The following RAB11FIP3 variants were observed in gnomAD, a reference collection of about 807,000 sequenced individuals.
RAB11FIP3 encodes rab11 family-interacting protein 3.
RAB11FIP3 carries 17 observed loss-of-function variants against 77.8 expected under a neutral mutation model. That is an observed-to-expected ratio of 0.22 (90% CI 0.15 to 0.33). RAB11FIP3 has a LOEUF of 0.33. Ranked by LOEUF, RAB11FIP3 falls within the 10% of genes least tolerant of loss-of-function variation. The pLI, the probability that RAB11FIP3 is intolerant of heterozygous loss-of-function variation, is 1.00. For missense variants in RAB11FIP3, 1,005 were observed against 1,011.2 expected, an observed-to-expected ratio of 0.99 and a Z score of 0.08; for synonymous variants, 437 against 448.2, an observed-to-expected ratio of 0.98 and a Z score of 0.31.
chr16:482,429 A>G (rs1473590551), intron 3 of RAB11FIP3, 96 bp from the exon 4 acceptor site: 7 of 1,158,508 alleles, frequency 6.0e-6, no homozygotes, highest in Admixed American at 3.4e-5. Flanking sequence ...CTCCCTCCAC[A>G]CTGCCCTCTC....
At chr16:515,761 C>T (rs2032385677) in intron 9 of RAB11FIP3, among the ~76,000 whole-genome samples, 1 of 152,142 alleles carries the variant, frequency 6.6e-6, no homozygotes, top group South Asian at 2.1e-4. Context: ...CTCGGAACAG[C>T]CACACGGCCG....
chr16:430,880 A>G (rs961515424), intron 1 of RAB11FIP3, among the ~76,000 whole-genome samples: 1 of 152,220 alleles, frequency 6.6e-6, no homozygotes, highest in Non-Finnish European at 1.5e-5. Context: ...GAAGTATAGT[A>G]TAGTGATACT....
chr16:467,243 G>A (rs1307195770), intron 2 of RAB11FIP3, among the ~76,000 whole-genome samples: 3 of 152,224 alleles, frequency 2.0e-5, no homozygotes, highest in African/African-American at 4.8e-5. Context: ...GCCACAGGGA[G>A]GCAGGGTCAG....
At chr16:487,131 C>CTTT (rs34597208) in intron 4 of RAB11FIP3, among the ~76,000 whole-genome samples, 3 of 134,522 alleles carry the variant, frequency 2.2e-5, no homozygotes, top group Non-Finnish European at 3.1e-5. Context: ...GTTTTGGTTT[C>CTTT]TTTTTTTTTT....
chr16:431,918 G>A (rs919859857), intron 1 of RAB11FIP3, among the ~76,000 whole-genome samples: 9 of 151,774 alleles, frequency 5.9e-5, no homozygotes, highest in South Asian at 4.2e-4. Context: ...CACCCCTCCC[G>A]GCTAATTTTT....
intron 3 of RAB11FIP3, among the ~76,000 whole-genome samples, chr16:475,894 TCACCC>T (rs2055897698): frequency 6.6e-6 from 1 of 152,182 alleles, no homozygotes; most frequent in Admixed American, 6.5e-5. Flanking sequence ...TCTCACTCTG[TCACCC>T]AGGCTGGAGT....
rs56228402 is a variant in RAB11FIP3, at chr16:480,286, C to CAAAA, written c.904-2222_904-2219dup. Among the ~76,000 whole-genome samples the CAAAA allele has an allele frequency of 1.0e-4, 8 of 80,024 alleles. 3 individuals carry two copies. The highest frequency in any genetic ancestry group is 1.6e-4 in the Admixed American group (1 of 6,286). 52.5% of individuals were successfully genotyped at this position (80,024 alleles called of 152,430 possible). ...GGCAGGAAGAGTAAAACTCCTTCTC[C>CAAAA]AAAAAAAAAAAAAAAAAAAAGTTGA... On this transcript the variant is annotated intron_variant, in intron 3 of 13. Transcript: ENST00000262305.
At chr16:444,586 G>A (rs1029719681) in intron 1 of RAB11FIP3, among the ~76,000 whole-genome samples, 7 of 152,176 alleles carry the variant, frequency 4.6e-5, no homozygotes, top group African/African-American at 7.2e-5. Flanking sequence ...CATGGCTCAC[G>A]CCTATAATCC....
At chr16:512,838 C>T (rs1263790557) in intron 9 of RAB11FIP3, among the ~76,000 whole-genome samples, 2 of 152,114 alleles carry the variant, frequency 1.3e-5, no homozygotes, top group Non-Finnish European at 2.9e-5. Flanking sequence ...CCACTGCACC[C>T]AGCCAAAAAA....
chr16:453,063 A>G (rs1444827359), intron 1 of RAB11FIP3, among the ~76,000 whole-genome samples: 2 of 79,192 alleles, frequency 2.5e-5, no homozygotes, highest in Non-Finnish European at 5.0e-5. Context: ...CTATTTCTTT[A>G]TTTTTTAATT....
chr16:509,909 G>A (rs2032049417), intron 8 of RAB11FIP3, among the ~76,000 whole-genome samples: 1 of 152,258 alleles, frequency 6.6e-6, no homozygotes, highest in Non-Finnish European at 1.5e-5. Context: ...TGCAGCTGAA[G>A]GCAGACTCCG....
intron 5 of RAB11FIP3, among the ~76,000 whole-genome samples, chr16:489,595 G>T (rs918984579): frequency 3.9e-5 from 6 of 152,186 alleles, no homozygotes; most frequent in Admixed American, 3.9e-4. Context: ...ACTTCAGGGA[G>T]ACCCTGGGCT....
At chr16:518,465 G>T (rs1423055742) in intron 9 of RAB11FIP3, among the ~76,000 whole-genome samples, 1 of 152,118 alleles carries the variant, frequency 6.6e-6, no homozygotes, top group Non-Finnish European at 1.5e-5. Flanking sequence ...GGTGGCTCGC[G>T]CCTGTAATCA....
At chr16:508,412 C>T (rs1054201857) in intron 8 of RAB11FIP3, among the ~76,000 whole-genome samples, 14 of 152,222 alleles carry the variant, frequency 9.2e-5, no homozygotes, top group Admixed American at 5.2e-4. Context: ...CTTGCTGTGT[C>T]ACCCAGGCTG....
chr16:496,676 T>C (rs1025350620), intron 5 of RAB11FIP3, 148 bp from the exon 6 acceptor site: 2 of 725,408 alleles, frequency 2.8e-6, no homozygotes, highest in African/African-American at 3.6e-5. Context: ...TGAGCATTTG[T>C]GCATGGACTT....
chr16:478,127 C>A (rs2055957997), intron 3 of RAB11FIP3, among the ~76,000 whole-genome samples: 1 of 152,104 alleles, frequency 6.6e-6, no homozygotes, highest in Non-Finnish European at 1.5e-5. Flanking sequence ...TCCAGTGAGG[C>A]TCAGGTGGGT....
intron 3 of RAB11FIP3, chr16:474,972 G>C (rs2055873956): frequency 6.4e-7 from 1 of 1,551,322 alleles, no homozygotes. Flanking sequence ...ATTGTTGTTT[G>C]AGAAAAGCCA....
chr16:472,505 C>T lies in RAB11FIP3; in HGVS notation c.903+1116C>T, dbSNP rs1364471535. ...GCAGTGTGCAGAACGTGCTGGGAGA[C>T]CCCAGGACTACAGACGGTGGCTCCT... is the stretch of plus-strand genomic sequence containing the variant. On this transcript the variant is annotated intron_variant, in intron 3 of 13. Coordinates refer to ENST00000262305, the MANE Select transcript of RAB11FIP3 (RefSeq NM_014700.4). This position sits in a 1 kb window ranked among gnomAD's most constrained non-coding sequence, Gnocchi z 4.1. Among the ~76,000 whole-genome samples the T allele has an allele frequency of 6.6e-6, 1 of 152,176 alleles. No individual in the cohort carries two copies. The highest frequency in any genetic ancestry group is 1.5e-5 in the Non-Finnish European group (1 of 68,044).
At chr16:491,739 A>T (rs1428417111) in intron 5 of RAB11FIP3, among the ~76,000 whole-genome samples, 3 of 152,186 alleles carry the variant, frequency 2.0e-5, no homozygotes, top group Non-Finnish European at 4.4e-5. Context: ...GCTGGCCCTC[A>T]TGTCTAACTC....
Sources: gnomAD v4.1 joint callset for allele counts (sites outside exome capture counted in the v4.1 genomes callset) on GRCh38, gnomAD v4.1.1 for gene constraint, Gnocchi (gnomAD v3.1) non-coding constraint, MANE v1.5 for transcripts, NCBI Gene and HGNC (gene_info 2026-07-23, HGNC 2026-07-21) for gene names.